Variants in PDE4D observed in about 807,000 individuals in gnomAD.
PDE4D encodes the protein phosphodiesterase 4D, also known as 3',5'-cyclic-AMP phosphodiesterase 4D.
A neutral mutation model predicts 87.4 loss-of-function variants in PDE4D; 24 were observed. That is an observed-to-expected ratio of 0.27 (90% CI 0.20 to 0.39). PDE4D has a LOEUF of 0.39. PDE4D is among the 10% of genes least tolerant of loss of function. The pLI is 1.00. For missense variants in PDE4D, 714 were observed against 1,041.0 expected (o/e 0.69, Z 4.32); for synonymous variants, 384 against 383.2 (o/e 1.00, Z -0.02).
At chr5:59,023,111 G>A (rs1282802324) in intron 6 of PDE4D, among the ~76,000 whole-genome samples, 1 of 151,558 alleles carries the variant, frequency 6.6e-6, no homozygotes, top group African/African-American at 2.4e-5. Flanking sequence ...GGAGGAGAAG[G>A]TTGCAGTGAG....
chr5:59,283,182 T>C (rs911616072), intron 1 of PDE4D, among the ~76,000 whole-genome samples: 41 of 152,190 alleles, frequency 2.7e-4, no homozygotes, highest in Non-Finnish European at 5.3e-4. Context: ...AAATAATATC[T>C]GCTATTAAAA....
chr5:59,289,039 C>T (rs1021938446), intron 1 of PDE4D, among the ~76,000 whole-genome samples: 3 of 152,002 alleles, frequency 2.0e-5, no homozygotes, highest in Non-Finnish European at 2.9e-5. Context: ...CACAGAAAAA[C>T]ACAGAATATT....
chr5:59,117,132 C>G (rs1004226571), intron 5 of PDE4D, among the ~76,000 whole-genome samples: 2 of 152,176 alleles, frequency 1.3e-5, no homozygotes, highest in African/African-American at 2.4e-5. Context: ...TACCCAACAT[C>G]CCAGGATACA....
At chr5:59,711,607 A>G (rs1032297031) in intron 1 of PDE4D, among the ~76,000 whole-genome samples, 1 of 152,146 alleles carries the variant, frequency 6.6e-6, no homozygotes, top group Non-Finnish European at 1.5e-5. Context: ...TGGATTGTTC[A>G]TCATTTACTA....
chr5:60,089,790 C>A (rs1364213180), intron 2 of PDE4D, among the ~76,000 whole-genome samples: 5 of 149,598 alleles, frequency 3.3e-5, no homozygotes, highest in Non-Finnish European at 7.4e-5. Context: ...TTTAGCTACA[C>A]CAACCAGAAG....
chr5:60,414,452 A>T (rs1391564238), intron 1 of PDE4D, among the ~76,000 whole-genome samples: 4 of 152,232 alleles, frequency 2.6e-5, no homozygotes, highest in African/African-American at 7.2e-5. Flanking sequence ...AATCAAATTA[A>T]AAAGTTAAAT....
At chr5:59,198,852 C>T (rs1209054336) in intron 2 of PDE4D, among the ~76,000 whole-genome samples, 1 of 152,118 alleles carries the variant, frequency 6.6e-6, no homozygotes. Flanking sequence ...AATGCCCACA[C>T]TCTTATGGTG....
At chr5:60,059,554 G>T (rs3857299) in intron 2 of PDE4D, among the ~76,000 whole-genome samples, 1 of 151,846 alleles carries the variant, frequency 6.6e-6, no homozygotes, top group African/African-American at 2.4e-5. Context: ...ACATGAAATA[G>T]AGTCAACCAC....
At chr5:58,994,872 T>A (rs768061680) in intron 6 of PDE4D, among the ~76,000 whole-genome samples, 14 of 151,738 alleles carry the variant, frequency 9.2e-5, no homozygotes, top group Non-Finnish European at 1.8e-4. Context: ...AAAGAACTCG[T>A]CATTTACATT....
At chr5:59,206,624 A>G (rs181831433) in intron 2 of PDE4D, among the ~76,000 whole-genome samples, 1 of 152,238 alleles carries the variant, frequency 6.6e-6, no homozygotes, top group Non-Finnish European at 1.5e-5. Flanking sequence ...ATTTTTAAAA[A>G]TTAAATAAAG....
intron 1 of PDE4D, among the ~76,000 whole-genome samples, chr5:59,886,396 A>G (rs1029770439): frequency 1.3e-5 from 2 of 152,294 alleles, no homozygotes; most frequent in African/African-American, 4.8e-5. Context: ...AGGCGCCTGT[A>G]GTCCCAGCTA....
chr5:59,427,039 ACACACACAC>A (rs1371195401), intron 1 of PDE4D, among the ~76,000 whole-genome samples: 3 of 90,478 alleles, frequency 3.3e-5, no homozygotes, highest in Non-Finnish European at 6.5e-5. Flanking sequence ...ACACACACAC[ACACACACAC>A]ATTACATATA....
intron 5 of PDE4D, among the ~76,000 whole-genome samples, chr5:59,128,015 CGTGTGTGTGTGTGT>C (rs55796726): frequency 0.13 from 18,981 of 144,370 alleles, 1,283 homozygotes; most frequent in South Asian, 0.17. Flanking sequence ...CTTTCAGAGC[CGTGTGTGTGTGTGT>C]GTGTGTGTGT....
chr5:59,988,572 C>T, exon 3 of PDE4D: 2 of 1,599,412 alleles, frequency 1.3e-6, no homozygotes, highest in Admixed American at 1.7e-5. Flanking sequence ...CTCTGATTCA[C>T]TTTTCAAGTC....
At chr5:60,107,277 G>C (rs1240592614) in intron 2 of PDE4D, among the ~76,000 whole-genome samples, 2 of 152,016 alleles carry the variant, frequency 1.3e-5, no homozygotes, top group South Asian at 2.1e-4. Context: ...ATAAATTCCT[G>C]GACACACACA....
At chr5:60,302,477 T>C (rs952377554) in intron 1 of PDE4D, among the ~76,000 whole-genome samples, 1 of 152,230 alleles carries the variant, frequency 6.6e-6, no homozygotes, top group African/African-American at 2.4e-5. Flanking sequence ...AAGTATTCTC[T>C]GATGGTTATT....
At position 59,523,924 on chromosome 5, in the gene PDE4D, G is replaced by C. The variant is rs368790095; in HGVS notation, c.456-307956C>G. Among the ~76,000 whole-genome samples the C allele has an allele frequency of 8.5e-5, 13 of 152,256 alleles. No individual in the cohort carries two copies. The East Asian group carries it at 1.2e-3, about 14-fold the overall frequency. The stretch of plus-strand genomic sequence containing the variant: ...CCTGCTGCCATGTGAAGAAGAACAT[G>C]TTTGCTTCCCCTTCCACCATGTTTG... On this transcript the variant is annotated intron_variant, in intron 1 of 14. Transcript: ENST00000340635.
chr5:59,656,997 G>A (rs1467011372), intron 1 of PDE4D, among the ~76,000 whole-genome samples: 5 of 151,892 alleles, frequency 3.3e-5, no homozygotes, highest in Non-Finnish European at 7.4e-5. Context: ...GTTGTCCTAA[G>A]GCCTAAGATC....
intron 1 of PDE4D, among the ~76,000 whole-genome samples, chr5:59,855,669 T>C (rs923899786): frequency 1.3e-5 from 2 of 152,174 alleles, no homozygotes; most frequent in Non-Finnish European, 2.9e-5. Flanking sequence ...CATTCTAGTC[T>C]CATAATTTTA....
Sources: allele counts gnomAD v4.1 joint callset (sites outside exome capture counted in the v4.1 genomes callset), GRCh38; gene constraint gnomAD v4.1.1; transcripts MANE v1.5; gene names NCBI Gene and HGNC (gene_info 2026-07-23, HGNC 2026-07-21).